Variants in LRP2 observed in about 807,000 individuals in gnomAD.
LRP2 encodes LDL receptor related protein 2, also known as low-density lipoprotein receptor-related protein 2.
In LRP2, 172 loss-of-function variants were observed where a neutral mutation model predicts 531.0. That is an observed-to-expected ratio of 0.32 (90% CI 0.29 to 0.37). The LOEUF (loss-of-function observed/expected upper bound fraction) is 0.37, where lower values mean the gene tolerates loss of function less well. Ranked by LOEUF, LRP2 falls within the 10% of genes least tolerant of loss-of-function variation. LRP2 has a pLI of 1.00. For missense variants in LRP2, 5,167 were observed against 5,868.3 expected (o/e 0.88, Z 3.90); for synonymous variants, 1,992 against 2,027.6 (o/e 0.98, Z 0.47).
intron 71 of LRP2, 147 bp from the exon 72 acceptor site, chr2:169,140,692 A>T (rs1312209579): frequency 3.1e-6 from 2 of 636,462 alleles, no homozygotes; most frequent in Non-Finnish European, 5.7e-6. Flanking sequence ...CCCTAAGTCC[A>T]GTGAGTTTCC....
intron 1 of LRP2, among the ~76,000 whole-genome samples, chr2:169,327,768 C>G (rs1218426017): frequency 1.6e-5 from 2 of 126,904 alleles, no homozygotes; most frequent in Admixed American, 7.2e-5. Flanking sequence ...GGGGGTCAGC[C>G]CCCCGCCCGG....
At chr2:169,156,508 A>C in intron 64 of LRP2, 103 bp from the exon 65 acceptor site, 1 of 1,284,094 alleles carries the variant, frequency 7.8e-7, no homozygotes, top group Non-Finnish European at 1.1e-6. Context: ...AGGACCGAGA[A>C]GGGTACAGAT....
intron 4 of LRP2, among the ~76,000 whole-genome samples, chr2:169,306,804 A>G (rs539044115): frequency 8.5e-5 from 13 of 152,350 alleles, no homozygotes; most frequent in Non-Finnish European, 1.5e-4. Flanking sequence ...TGTGGTGATC[A>G]GTTACAAAGA....
Position 169,175,273 on chromosome 2 carries a change from C to T in LRP2, c.10688G>A (p.Gly3563Asp), listed in dbSNP as rs778325450. Residue 3563 changes from glycine (G) to aspartate (D), a missense_variant, in exon 55 of 79, where the codon GGC becomes GAC. By Grantham distance (94) the Gly-to-Asp change is moderately conservative. Coordinates refer to ENST00000649046, the MANE Select transcript of LRP2 (RefSeq NM_004525.3). Reference protein sequence around the residue: ...CRLGQFQCSDGNCTSPQTLCN... With the variant: ...CRLGQFQCSDDNCTSPQTLCN... ...TAAAGTCTGCGGGCTGGTGCAGTTG[C>T]CGTCACTGCACTGGAACTGTCCCAG... 1.2e-6 allele frequency: 2 copies of T among 1,614,068 alleles called. No individual in the cohort carries two copies. The highest frequency in any genetic ancestry group is 1.3e-5 in the African/African-American group (1 of 74,920).
intron 17 of LRP2, among the ~76,000 whole-genome samples, chr2:169,257,823 A>C (rs1305908066): frequency 8.8e-5 from 10 of 114,078 alleles, no homozygotes; most frequent in South Asian, 8.6e-4. Context: ...AAAAAACAAA[A>C]ACAAAAAAAA....
At position 169,156,504 on chromosome 2, in the gene LRP2, G is replaced by A. The variant is rs80254236; in HGVS notation, c.12020-99C>T. ...CCCATATTCACCAGCAATGAGGACC[G>A]AGAAGGGTACAGATGAAAATAAGCA... On this transcript the variant is annotated intron_variant, in intron 64 of 78. Coordinates refer to ENST00000649046, the MANE Select transcript of LRP2 (RefSeq NM_004525.3). 2,404 of 1,330,532 alleles carry A rather than the reference G, an allele frequency of 1.8e-3. 40 individuals are homozygous for A. The African/African-American group carries it at 0.03, about 17-fold the overall frequency. The allele number at this position is 1,330,532 out of a possible 1,614,324, so 82.4% of individuals were successfully genotyped here.
At position 169,157,516 on chromosome 2, in the gene LRP2, TC is replaced by T; in HGVS notation, c.11888-15del. 6.2e-7 allele frequency: 1 copy of T among 1,611,792 alleles called. No homozygotes were observed. The highest frequency in any genetic ancestry group is 8.5e-7 in the Non-Finnish European group (1 of 1,179,064). On this transcript the variant is annotated splice_polypyrimidine_tract_variant and intron_variant, in intron 63 of 78. Transcript: ENST00000649046. The stretch of plus-strand genomic sequence containing the variant: ...CTTTTCCTTTATCTGAAAAACAAAA[TC>T]CCAGCATTACAAACCAGATCAGCCA...
chr2:169,220,496 C>A lies in LRP2; in HGVS notation c.5606G>T (p.Gly1869Val). ...AGTTATGCCAATTGGAAAGCCAACT[C>A]CAAGAGCTGTCCCATCATTGGCAAT... ...TLIANDGTALGVGFPIGITVD... is the reference protein window; with the variant it reads ...TLIANDGTALVVGFPIGITVD... Residue 1869 changes from glycine (G) to valine (V), a missense_variant, in exon 34 of 79, where the codon GGA becomes GTA. Physicochemically the swap from Gly to Val is moderately radical, Grantham distance 109. Transcript: ENST00000649046. 6.2e-7 allele frequency: 1 copy of A among 1,613,664 alleles called. No individual in the cohort carries two copies. The highest frequency in any genetic ancestry group is 2.2e-5 in the East Asian group (1 of 44,858).
intron 46 of LRP2, among the ~76,000 whole-genome samples, chr2:169,195,407 A>G (rs929695133): frequency 6.6e-6 from 1 of 152,248 alleles, no homozygotes; most frequent in Non-Finnish European, 1.5e-5. Flanking sequence ...TCAACCTTTT[A>G]ATAGTGATTA....
At position 169,137,441 on chromosome 2, in the gene LRP2, G is replaced by A. The variant is rs774971142; in HGVS notation, c.13571C>T (p.Pro4524Leu). ...MGKQPIIFEN[P>L]MYSARDSAVK... ...AGCACTGTCTCTGGCTGAGTACATT[G>A]GGTTTTCAAATATTATGGGCTGCTT... is the stretch of plus-strand genomic sequence containing the variant. Residue 4524 changes from proline (P) to leucine (L), a missense_variant, in exon 76 of 79, where the codon CCA becomes CTA. Transcript: ENST00000649046. The A allele has an allele frequency of 4.3e-6, 7 of 1,613,932 alleles. No individual in the cohort carries two copies. In the South Asian group the frequency reaches 5.5e-5, roughly 13 times the overall value.
chr2:169,295,506 C>T (rs1202357233), intron 4 of LRP2, among the ~76,000 whole-genome samples: 1 of 152,188 alleles, frequency 6.6e-6, no homozygotes, highest in African/African-American at 2.4e-5. Context: ...TGTCCCTCCT[C>T]TCTACTTGCC....
chr2:169,254,965 A>G (rs1690245260), intron 19 of LRP2, among the ~76,000 whole-genome samples: 1 of 152,102 alleles, frequency 6.6e-6, no homozygotes, highest in Admixed American at 6.6e-5. Flanking sequence ...GCATTTTTTA[A>G]ATACCACACA....
chr2:169,284,247 C>CTTTTTTTTTTTTTTTTT (rs1342396746), intron 9 of LRP2, among the ~76,000 whole-genome samples: 1 of 72,238 alleles, frequency 1.4e-5, no homozygotes. Flanking sequence ...TTTTCTTTTT[C>CTTTTTTTTTTTTTTTTT]TTTTTTTTCT....
At chr2:169,131,254 AGTGTGTGTGTGTGTGT>A (rs3835382) in intron 77 of LRP2, among the ~76,000 whole-genome samples, 4 of 148,642 alleles carry the variant, frequency 2.7e-5, no homozygotes, top group African/African-American at 4.9e-5. Flanking sequence ...TGAGTGTATG[AGTGTGTGTGTGTGTGT>A]GTGTGTGTGT....
At chr2:169,225,130 A>T (rs1689154441) in intron 33 of LRP2, among the ~76,000 whole-genome samples, 180 bp downstream of exon 33, 1 of 151,990 alleles carries the variant, frequency 6.6e-6, no homozygotes, top group African/African-American at 2.4e-5. Context: ...AATTTAAAAA[A>T]AATTTTAAGG....
intron 64 of LRP2, among the ~76,000 whole-genome samples, 174 bp downstream of exon 64, chr2:169,157,197 T>G (rs1351199994): frequency 6.6e-6 from 1 of 152,136 alleles, no homozygotes; most frequent in East Asian, 1.9e-4. Context: ...TCAGATAGCA[T>G]GCATGCAGGT....
chr2:169,320,754 T>C lies in LRP2; in HGVS notation c.187+23A>G, dbSNP rs534395617. The C allele has an allele frequency of 3.1e-6, 5 of 1,589,576 alleles. No individual in the cohort carries two copies. The African/African-American group carries it at 4.0e-5, about 13-fold the overall frequency. On this transcript the variant is annotated intron_variant, in intron 2 of 78. Coordinates refer to ENST00000649046, the MANE Select transcript of LRP2 (RefSeq NM_004525.3). ...CACTTAGGTTACTCAAAATAGAACT[T>C]AGCCTGGCCCCTCCTCACTTACCGC...
At chr2:169,244,307 G>C (rs1003947161) in intron 22 of LRP2, among the ~76,000 whole-genome samples, 2 of 152,154 alleles carry the variant, frequency 1.3e-5, no homozygotes, top group Non-Finnish European at 2.9e-5. Flanking sequence ...ATGTCTTTTT[G>C]CTTGTACCAA....
chr2:169,209,609 A>ACACATC lies in LRP2; in HGVS notation c.6307_6312dup (p.Asp2103_Val2104dup), dbSNP rs763640345. The ACACATC allele has an allele frequency of 3.0e-5, 49 of 1,614,030 alleles. No individual in the cohort carries two copies. The highest frequency in any genetic ancestry group is 4.0e-5 in the Non-Finnish European group (47 of 1,180,014). ...TCACACCAATAAATAAAGCCAGAGG[A>ACACATC]CACATCCACATCCACATGCAGTGCG... is the stretch of plus-strand genomic sequence containing the variant. On this transcript the variant is annotated inframe_insertion, in exon 38 of 79. Coordinates refer to ENST00000649046, the MANE Select transcript of LRP2 (RefSeq NM_004525.3).
Sources: gnomAD v4.1 joint callset for allele counts (sites outside exome capture counted in the v4.1 genomes callset) on GRCh38, gnomAD v4.1.1 for gene constraint, MANE v1.5 for transcripts, NCBI Gene and HGNC (gene_info 2026-07-23, HGNC 2026-07-21) for gene names.